The following CPAMD8 variants were observed in gnomAD, a reference collection of about 807,000 sequenced individuals.
CPAMD8 encodes C3 and PZP-like alpha-2-macroglobulin domain-containing protein 8.
In CPAMD8, 146 loss-of-function variants were observed where a neutral mutation model predicts 224.7. That is an observed-to-expected ratio of 0.65 (90% CI 0.57 to 0.75). The LOEUF (loss-of-function observed/expected upper bound fraction) is 0.75. Ranked by LOEUF, CPAMD8 falls within the 30% of genes least tolerant of loss-of-function variation. The pLI is 0.00. For missense variants in CPAMD8, 2,301 were observed against 2,537.5 expected, an observed-to-expected ratio of 0.91 and a Z score of 2.00; for synonymous variants, 966 against 1,044.6, an observed-to-expected ratio of 0.92 and a Z score of 1.45.
At position 16,970,892 on chromosome 19, in the gene CPAMD8, TG is replaced by T. The variant is rs756064750; in HGVS notation, c.2211del (p.Arg738GlufsTer32). ...LVAVAPSRHPPRTEKRKRTFF... is the reference protein window; with the variant it reads ...LVAVAPSRHPXRTEKRKRTFF... The stretch of plus-strand genomic sequence containing the variant: ...CTTGCTCAATGTATAAGCCGTTACC[TG>T]GGGGGGTGCCTGGAAGGAGCCACTG... On this transcript the variant is annotated frameshift_variant and splice_region_variant, in exon 18 of 42. Transcript: ENST00000443236. LOFTEE classifies it high-confidence loss of function. 6 of 1,612,704 alleles carry T rather than the reference TG, an allele frequency of 3.7e-6. No individual in the cohort carries two copies. The Admixed American group carries it at 5.0e-5, about 14-fold the overall frequency.
chr19:16,945,991 G>T (rs928990994), intron 21 of CPAMD8, among the ~76,000 whole-genome samples: 2 of 152,132 alleles, frequency 1.3e-5, no homozygotes, highest in Non-Finnish European at 2.9e-5. Flanking sequence ...GTACAAATAT[G>T]TGTGTGCATA....
At chr19:16,958,529 C>T (rs564660150) in intron 18 of CPAMD8, among the ~76,000 whole-genome samples, 46 of 152,248 alleles carry the variant, frequency 3.0e-4, no homozygotes, top group Non-Finnish European at 4.9e-4. Context: ...CATTGATGAG[C>T]ATTTAGGTTG....
At chr19:16,922,595 C>T (rs1011176486) in intron 26 of CPAMD8, among the ~76,000 whole-genome samples, 2 of 149,730 alleles carry the variant, frequency 1.3e-5, no homozygotes, top group African/African-American at 5.0e-5. Flanking sequence ...GAAACTGCTC[C>T]ACATCACATC....
rs1473928709 is a variant in CPAMD8, at chr19:16,902,869, G to C, written c.4471-6C>G. On this transcript the variant is annotated splice_polypyrimidine_tract_variant and splice_region_variant and intron_variant, in intron 34 of 41. Transcript: ENST00000443236. Reference sequence around the variant, plus strand: ...ACATTGTAGGTGACATCAATCTGGGGGGTGTTGGAGGATGGAGGCTTAGGG... The same window carrying C: ...ACATTGTAGGTGACATCAATCTGGGCGGTGTTGGAGGATGGAGGCTTAGGG... 4 of 1,514,694 alleles carry C rather than the reference G, an allele frequency of 2.6e-6. No homozygotes were observed. In the South Asian group the frequency reaches 5.3e-5, roughly 20 times the overall value. 93.8% of individuals were successfully genotyped at this position (1,514,694 alleles called of 1,614,324 possible). A position where few individuals can be genotyped will look rare whatever the true frequency, so the allele number is the denominator to read the frequency against.
chr19:17,013,046 T>G (rs2056704781), intron 3 of CPAMD8, among the ~76,000 whole-genome samples: 1 of 151,620 alleles, frequency 6.6e-6, no homozygotes, highest in East Asian at 1.9e-4. Context: ...CCAGCTGTGG[T>G]GGTGGGCACC....
At chr19:16,904,176 A>AGGGGG in intron 32 of CPAMD8, 50 bp downstream of exon 32, 9 of 937,334 alleles carry the variant, frequency 9.6e-6, no homozygotes, top group Non-Finnish European at 1.5e-5. Flanking sequence ...GACTGCAGGG[A>AGGGGG]CCCCACCCAC....
chr19:16,932,787 TAGCTGAAA>T (rs2053583482), intron 23 of CPAMD8, among the ~76,000 whole-genome samples: 1 of 152,170 alleles, frequency 6.6e-6, no homozygotes, highest in Non-Finnish European at 1.5e-5. Context: ...AACAAAATAA[TAGCTGAAA>T]ACTTCCCAAG....
chr19:16,996,681 T>A (rs10422407), intron 11 of CPAMD8, among the ~76,000 whole-genome samples: 5,645 of 151,920 alleles, frequency 0.037, 147 homozygotes, highest in African/African-American at 0.066. Context: ...TAACTGGGCT[T>A]GGTAGTATGT....
At chr19:17,003,634 C>A (rs2056399145) in intron 8 of CPAMD8, among the ~76,000 whole-genome samples, 1 of 151,332 alleles carries the variant, frequency 6.6e-6, no homozygotes, top group Non-Finnish European at 1.5e-5. Flanking sequence ...AAAAATTAAC[C>A]AGGTGTGGTG....
At position 16,902,700 on chromosome 19, in the gene CPAMD8, G is replaced by T. The variant is rs747033120; in HGVS notation, c.4634C>A (p.Ala1545Glu). Residue 1545 changes from alanine to glutamate, a missense_variant, in exon 35 of 42, where the codon GCG (alanine) becomes GAG (glutamate). Ala to Glu is a moderately radical substitution (Grantham distance 107). Transcript: ENST00000443236. ...GTATTCCTGGTGATGCTGATCGGCC[G>T]CTGGGTCATCATCGTCAGCTGGGGG... ...DWPPADDDDP[A>E]ADQHHQEYKV... 3 of 1,608,432 alleles carry T rather than the reference G, an allele frequency of 1.9e-6. No individual in the cohort carries two copies. Among genetic ancestry groups the T allele is most frequent in the Non-Finnish European group, 2.5e-6 (3 of 1,177,338 alleles).
At chr19:16,906,407 T>TTTCTTTCTTTCTTTCTTTCC (rs1196710399) in intron 30 of CPAMD8, among the ~76,000 whole-genome samples, 2 of 69,892 alleles carry the variant, frequency 2.9e-5, no homozygotes, top group South Asian at 4.8e-4. Context: ...TCTTTCTTTC[T>TTTCTTTCTTTCTTTCTTTCC]TTCCTTCCTT....
rs1011465689 is a variant in CPAMD8 at position 16,964,732 on chromosome 19, C to CA, written c.2213+6158dup. On this transcript the variant is annotated intron_variant, in intron 18 of 41. Transcript: ENST00000443236. ...ATACCAAAGCCTGGCAGAGACACAA[C>CA]AAAAAAAAGAGAATTTTAGACCAAT... Among the ~76,000 whole-genome samples the CA allele has an allele frequency of 6.7e-4, 101 of 151,666 alleles. 1 individual carries two copies. The highest frequency in any genetic ancestry group is 2.0e-3 in the African/African-American group (83 of 41,380).
chr19:16,924,028 G>A (rs2053269250), intron 26 of CPAMD8, among the ~76,000 whole-genome samples: 1 of 152,110 alleles, frequency 6.6e-6, no homozygotes. Flanking sequence ...AAGGCACAGA[G>A]CAGGCTGATC....
rs971368439 is a variant in CPAMD8, at chr19:16,930,805, C to T, written c.2846-1565G>A. 1.1e-4 allele frequency among the ~76,000 whole-genome samples: 17 copies of T among 152,258 alleles called. No individual in the cohort carries two copies. In the East Asian group the frequency reaches 2.1e-3, roughly 19 times the overall value. On this transcript the variant is annotated intron_variant, in intron 23 of 41. Coordinates refer to ENST00000443236, the MANE Select transcript of CPAMD8 (RefSeq NM_015692.5). Reference sequence around the variant, plus strand: ...AAGCAGCTACAGCAGGGCACCGTATCGAGATCCTAGCCACTGCCAGGCTGC... The same window carrying T: ...AAGCAGCTACAGCAGGGCACCGTATTGAGATCCTAGCCACTGCCAGGCTGC...
rs372679854 is a variant in CPAMD8 at position 17,008,487 on chromosome 19, G to A, written c.559+18C>T. The A allele has an allele frequency of 1.6e-4, 253 of 1,612,080 alleles. No individual in the cohort carries two copies. The highest frequency in any genetic ancestry group is 3.0e-4 in the Admixed American group (18 of 59,980). ...TTATCACATCTGCAGCCCCCAAGCC[G>A]CAGAGGAAGAAACTTACCGCAGCAG... On this transcript the variant is annotated intron_variant, in intron 7 of 41. Coordinates refer to ENST00000443236, the MANE Select transcript of CPAMD8 (RefSeq NM_015692.5).
intron 2 of CPAMD8, 51 bp from the exon 3 acceptor site, chr19:17,020,404 T>C: frequency 1.5e-6 from 2 of 1,357,918 alleles, no homozygotes; most frequent in Non-Finnish European, 2.1e-6. Flanking sequence ...TGTGTTGCCC[T>C]GCCTCCCTGA....
At chr19:16,964,033 T>A (rs2054740911) in intron 18 of CPAMD8, among the ~76,000 whole-genome samples, 2 of 152,094 alleles carry the variant, frequency 1.3e-5, no homozygotes, top group Non-Finnish European at 2.9e-5. Context: ...GGGACACATT[T>A]AAAGCAGTGT....
intron 7 of CPAMD8, among the ~76,000 whole-genome samples, chr19:17,006,906 T>C (rs1428128182): frequency 6.6e-6 from 1 of 152,228 alleles, no homozygotes; most frequent in African/African-American, 2.4e-5. Context: ...TCATGTTTGC[T>C]TCCCCCATTG....
chr19:16,937,037 C>A (rs1233982272), intron 23 of CPAMD8, among the ~76,000 whole-genome samples: 1 of 145,068 alleles, frequency 6.9e-6, no homozygotes, highest in Non-Finnish European at 1.5e-5. Context: ...TTCCTCTTTC[C>A]TTTCTCCCTT....
Sources: gnomAD v4.1 joint callset for allele counts (sites outside exome capture counted in the v4.1 genomes callset) on GRCh38, gnomAD v4.1.1 for gene constraint, MANE v1.5 for transcripts, NCBI Gene and HGNC (gene_info 2026-07-23, HGNC 2026-07-21) for gene names.